The following RYR2 variants were observed in gnomAD, a reference collection of about 807,000 sequenced individuals.
The protein encoded by RYR2 is cardiac muscle ryanodine receptor-calcium release channel.
In RYR2, 227 loss-of-function variants were observed where a neutral mutation model predicts 601.1. The observed-to-expected ratio is 0.38, with a 90% CI of 0.34 to 0.42. RYR2 has a LOEUF of 0.42. RYR2 is among the 10% of genes least tolerant of loss of function. RYR2 has a pLI of 1.00. For synonymous variants in RYR2, 2,223 were observed against 2,175.1 expected (o/e 1.02, Z -0.61); for missense variants, 4,646 against 6,156.5 (o/e 0.75, Z 8.21).
At chr1:237,075,453 G>A (rs1410654012) in intron 1 of RYR2, among the ~76,000 whole-genome samples, 2 of 139,534 alleles carry the variant, frequency 1.4e-5, no homozygotes, top group Non-Finnish European at 3.1e-5. Flanking sequence ...GCGAGGCATT[G>A]CCTCACCTGG....
At chr1:237,290,672 A>G (rs1692096152) in intron 2 of RYR2, among the ~76,000 whole-genome samples, 1 of 152,206 alleles carries the variant, frequency 6.6e-6, no homozygotes, top group Non-Finnish European at 1.5e-5. Flanking sequence ...CAACATAAAA[A>G]CAGCACTACC....
chr1:237,639,277 C>A, intron 46 of RYR2, 76 bp downstream of exon 46: 1 of 1,312,308 alleles, frequency 7.6e-7, no homozygotes, highest in South Asian at 1.7e-5. Flanking sequence ...ATTCTGCATC[C>A]TATGAATTGT....
At chr1:237,553,132 A>G (rs569029878) in intron 27 of RYR2, among the ~76,000 whole-genome samples, 1 of 152,156 alleles carries the variant, frequency 6.6e-6, no homozygotes, top group East Asian at 1.9e-4. Context: ...GTGGGTTCCT[A>G]GGACATCTTT....
Position 237,500,694 on chromosome 1 carries a change from T to C in RYR2, c.2204-17T>C. ...TAAAAAAATACATGACCTTCCTTAA[T>C]GTTTTCCCCCCAATAGGTTGTATTG... On this transcript the variant is annotated splice_polypyrimidine_tract_variant and intron_variant, in intron 20 of 104. Transcript: ENST00000366574. The C allele has an allele frequency of 6.4e-7, 1 of 1,567,336 alleles. No homozygotes were observed. Among genetic ancestry groups the C allele is most frequent in the Non-Finnish European group, 8.7e-7 (1 of 1,154,726 alleles).
intron 10 of RYR2, among the ~76,000 whole-genome samples, chr1:237,396,645 C>A (rs183791888): frequency 6.6e-6 from 1 of 152,188 alleles, no homozygotes. Context: ...ACTCTCAGTC[C>A]CCAAAGACTA....
chr1:237,328,016 T>C (rs1252311734), intron 2 of RYR2, among the ~76,000 whole-genome samples: 1 of 152,236 alleles, frequency 6.6e-6, no homozygotes, highest in Admixed American at 6.5e-5. Context: ...TGGAAACAGC[T>C]CTTAGACACT....
chr1:237,739,155 C>A (rs1691399301), intron 79 of RYR2, among the ~76,000 whole-genome samples: 1 of 152,188 alleles, frequency 6.6e-6, no homozygotes, highest in Non-Finnish European at 1.5e-5. Context: ...ACAGCATCTG[C>A]TCTAAATCAT....
At position 237,455,366 on chromosome 1, in the gene RYR2, T is replaced by C. The variant is rs546233810; in HGVS notation, c.1476+792T>C. ...TAAAAGTAACAAAAAAGGTTATTCA[T>C]TGAGTACACATGGACACAAAGAGGG... On this transcript the variant is annotated intron_variant, in intron 15 of 104. Coordinates refer to ENST00000366574, the MANE Select transcript of RYR2 (RefSeq NM_001035.3). Among the ~76,000 whole-genome samples, 31 of 152,100 alleles carry C rather than the reference T, an allele frequency of 2.0e-4. 1 individual carries two copies. The highest frequency in any genetic ancestry group is 1.5e-3 in the Admixed American group (23 of 15,252).
In RYR2 at chr1:237,517,890, C is replaced by T. The variant is rs1666716545; in HGVS notation, c.2822+6099C>T. On this transcript the variant is annotated intron_variant, in intron 24 of 104. Coordinates refer to ENST00000366574, the MANE Select transcript of RYR2 (RefSeq NM_001035.3). ...TCCAGCGCATAACATTCTCAGATGC[C>T]AACTTGCTTAGATATTGCAAATGTA... Among the ~76,000 whole-genome samples the T allele has an allele frequency of 2.6e-5, 4 of 152,154 alleles. No individual in the cohort carries two copies. The South Asian group carries it at 8.3e-4, about 32-fold the overall frequency.
chr1:237,199,588 T>C (rs760043170), intron 1 of RYR2, among the ~76,000 whole-genome samples: 2 of 152,182 alleles, frequency 1.3e-5, no homozygotes, highest in Non-Finnish European at 2.9e-5. Context: ...GGTCGGCCTC[T>C]CCCAGTCCAC....
chr1:237,271,686 T>C (rs1402643626), intron 2 of RYR2, among the ~76,000 whole-genome samples: 1 of 152,130 alleles, frequency 6.6e-6, no homozygotes, highest in African/African-American at 2.4e-5. Flanking sequence ...CCACAGACAA[T>C]ACAGTATCTA....
intron 16 of RYR2, among the ~76,000 whole-genome samples, chr1:237,459,210 A>G (rs1022126540): frequency 1.3e-5 from 2 of 152,220 alleles, no homozygotes; most frequent in South Asian, 2.1e-4. Flanking sequence ...TATAAGATGA[A>G]TTTCTTGGAT....
intron 100 of RYR2, among the ~76,000 whole-genome samples, chr1:237,815,727 TG>T (rs1229036714): frequency 6.6e-6 from 1 of 152,218 alleles, no homozygotes; most frequent in Non-Finnish European, 1.5e-5. Flanking sequence ...CCTCATTCCT[TG>T]GTCCTGTCTT....
At chr1:237,692,248 A>G (rs1479440818) in intron 63 of RYR2, among the ~76,000 whole-genome samples, 1 of 152,204 alleles carries the variant, frequency 6.6e-6, no homozygotes, top group Non-Finnish European at 1.5e-5. Context: ...CATTCACTCA[A>G]GATGTGAGGA....
chr1:237,723,079 G>A, intron 73 of RYR2, 49 bp from the exon 74 acceptor site: 1 of 1,539,998 alleles, frequency 6.5e-7, no homozygotes, highest in Non-Finnish European at 8.8e-7. Context: ...TTGTAACCTT[G>A]TTTTTAGATT....
chr1:237,333,150 G>A (rs991236766), intron 3 of RYR2, among the ~76,000 whole-genome samples: 1 of 152,216 alleles, frequency 6.6e-6, no homozygotes, highest in Non-Finnish European at 1.5e-5. Context: ...ATAAAGCGCA[G>A]TATAGTTACC....
At chr1:237,189,873 A>ATTT (rs1553336323) in intron 1 of RYR2, among the ~76,000 whole-genome samples, 7 of 104,140 alleles carry the variant, frequency 6.7e-5, no homozygotes, top group African/African-American at 3.7e-4. Flanking sequence ...TTTTATTTTT[A>ATTT]TTTTTATTTT....
intron 1 of RYR2, among the ~76,000 whole-genome samples, chr1:237,161,358 A>G (rs199557064): frequency 1.9e-4 from 4 of 21,448 alleles, no homozygotes; most frequent in East Asian, 6.9e-4. Context: ...ATTTTGGGGG[A>G]AAAAAAAAGA....
At chr1:237,464,842 T>C (rs1659889731) in intron 16 of RYR2, among the ~76,000 whole-genome samples, 1 of 152,190 alleles carries the variant, frequency 6.6e-6, no homozygotes, top group African/African-American at 2.4e-5. Flanking sequence ...TTAGCAGATG[T>C]ACACTTCTGT....
Sources: allele counts gnomAD v4.1 joint callset (sites outside exome capture counted in the v4.1 genomes callset), GRCh38; gene constraint gnomAD v4.1.1; transcripts MANE v1.5; gene names NCBI Gene and HGNC (gene_info 2026-07-23, HGNC 2026-07-21).